The following KASH5 variants were observed in gnomAD, a reference collection of about 807,000 sequenced individuals.
KASH5 encodes KASH domain containing 5.
KASH5 carries 72 observed loss-of-function variants against 84.2 expected under a neutral mutation model. The observed-to-expected ratio is 0.85, with a 90% CI of 0.71 to 1.04. The LOEUF is 1.04. KASH5 is among the 50% of genes least tolerant of loss of function. The pLI is 0.00. For synonymous variants in KASH5, 260 were observed against 279.1 expected (o/e 0.93, Z 0.68); for missense variants, 650 against 701.0 (o/e 0.93, Z 0.82).
Position 49,417,632 on chromosome 19 carries a change from T to G in KASH5, c.*122T>G. ...CTTACCCTAGATAGAGTACAGGGGATCCACATCCCTGTATTTTTATGTGAA... is the reference window on the plus strand; with the variant it reads ...CTTACCCTAGATAGAGTACAGGGGAGCCACATCCCTGTATTTTTATGTGAA... On this transcript the variant is annotated 3_prime_UTR_variant, in exon 20 of 20. Coordinates refer to ENST00000447857, the MANE Select transcript of KASH5 (RefSeq NM_144688.5). This position sits in a 1 kb window ranked among gnomAD's most constrained non-coding sequence, Gnocchi z 5.2. 8.4e-7 allele frequency: 1 copy of G among 1,192,460 alleles called. No homozygotes were observed. The highest frequency in any genetic ancestry group is 1.1e-6 in the Non-Finnish European group (1 of 908,162). 73.9% of individuals were successfully genotyped at this position (1,192,460 alleles called of 1,614,324 possible). A position where few individuals can be genotyped will look rare whatever the true frequency, so the allele number is the denominator to read the frequency against.
At chr19:49,413,383 G>A (rs1362402368) in intron 16 of KASH5, among the ~76,000 whole-genome samples, 1 of 152,214 alleles carries the variant, frequency 6.6e-6, no homozygotes, top group Non-Finnish European at 1.5e-5. Context: ...TCCCAGCCCT[G>A]TGATTGGGAT....
rs1974956402 is a variant in KASH5, at chr19:49,417,649, T to C, written c.*139T>C. ...ACAGGGGATCCACATCCCTGTATTT[T>C]TATGTGAAGTCTCCTAGTTTTTTAA... On this transcript the variant is annotated 3_prime_UTR_variant, in exon 20 of 20. Transcript: ENST00000447857. This position sits in a 1 kb window ranked among gnomAD's most constrained non-coding sequence, Gnocchi z 5.2. 4.6e-6 allele frequency: 5 copies of C among 1,084,482 alleles called. No individual in the cohort carries two copies. The highest frequency in any genetic ancestry group is 2.4e-6 in the Non-Finnish European group (2 of 818,748). 67.2% of individuals were successfully genotyped at this position (1,084,482 alleles called of 1,614,324 possible).
intron 12 of KASH5, 65 bp from the exon 13 acceptor site, chr19:49,408,902 C>T: frequency 6.6e-7 from 1 of 1,514,942 alleles, no homozygotes; most frequent in Non-Finnish European, 9.0e-7. Context: ...AAGAGGAGCC[C>T]AGAGGTGGAT....
chr19:49,405,544 A>C (rs969146095), intron 9 of KASH5, among the ~76,000 whole-genome samples: 1 of 152,098 alleles, frequency 6.6e-6, no homozygotes, highest in South Asian at 2.1e-4. Context: ...GTTAAGTATG[A>C]TAGTGGTATT....
At chr19:49,397,074 AT>A (rs1974205355) in intron 5 of KASH5, among the ~76,000 whole-genome samples, 1 of 151,052 alleles carries the variant, frequency 6.6e-6, no homozygotes, top group Admixed American at 6.6e-5. Context: ...AAAAAAAAAA[AT>A]GGTGGTCATG....
intron 9 of KASH5, among the ~76,000 whole-genome samples, chr19:49,404,205 G>A (rs8113231): frequency 0.6 from 91,565 of 151,940 alleles, 28,450 homozygotes; most frequent in African/African-American, 0.76. Context: ...CTGGCTGGAG[G>A]GAGGGAGAGG....
chr19:49,397,764 C>T, intron 6 of KASH5, 47 bp downstream of exon 6: 1 of 1,591,026 alleles, frequency 6.3e-7, no homozygotes. Context: ...CACACCCTGT[C>T]CCCTCCAGCC....
In KASH5 at chr19:49,417,192, G is replaced by T; in HGVS notation, c.1473G>T (p.Val491=). The part of the protein sequence containing the change: ...PARRELQQAL[V]PVMKKLVPVR... ...GGCGGGAACTCCAGCAAGCCCTGGTGCCTGTGATGAAAAAGCTGGTCCCAG... is the reference window on the plus strand; with the variant it reads ...GGCGGGAACTCCAGCAAGCCCTGGTTCCTGTGATGAAAAAGCTGGTCCCAG... Residue 491 remains valine (V), a synonymous_variant, in exon 19 of 20, where the codon GTG becomes GTT. Coordinates refer to ENST00000447857, the MANE Select transcript of KASH5 (RefSeq NM_144688.5). This position sits in a 1 kb window ranked among gnomAD's most constrained non-coding sequence, Gnocchi z 5.2. 1 of 1,613,874 alleles carries T rather than the reference G, an allele frequency of 6.2e-7. No homozygotes were observed. The highest frequency in any genetic ancestry group is 8.5e-7 in the Non-Finnish European group (1 of 1,179,850).
intron 10 of KASH5, 59 bp from the exon 11 acceptor site, chr19:49,407,181 G>A: frequency 6.3e-7 from 1 of 1,581,898 alleles, no homozygotes; most frequent in Non-Finnish European, 8.7e-7. Flanking sequence ...CCAGGTGGAG[G>A]GCAGGACCAA....
At chr19:49,411,958 AGG>A (rs1258979332) in intron 15 of KASH5, among the ~76,000 whole-genome samples, 6 of 149,356 alleles carry the variant, frequency 4.0e-5, no homozygotes, top group Non-Finnish European at 8.9e-5. Context: ...GAAGGAAGGA[AGG>A]AAGGAAGGAA....
intron 9 of KASH5, among the ~76,000 whole-genome samples, chr19:49,406,325 T>TAATTATTA (rs1974525510): frequency 6.6e-6 from 1 of 152,190 alleles, no homozygotes; most frequent in Non-Finnish European, 1.5e-5. Context: ...ATTATTAACC[T>TAATTATTA]ATCTAATCTT....
rs1974639095 is a variant in KASH5 at position 49,409,371 on chromosome 19, C to T, written c.1146+88C>T. ...TACTCTGATCCTCACACCAGCCTAG[C>T]CCTAACCCACATTGCTGCCAGAGGC... On this transcript the variant is annotated intron_variant, in intron 14 of 19. Transcript: ENST00000447857. The T allele has an allele frequency of 5.2e-6, 7 of 1,347,106 alleles. No individual in the cohort carries two copies. In the South Asian group the frequency reaches 7.5e-5, roughly 15 times the overall value. The allele number at this position is 1,347,106 out of a possible 1,614,324, so 83.4% of individuals were successfully genotyped here. A position where few individuals can be genotyped will look rare whatever the true frequency, so the allele number is the denominator to read the frequency against.
chr19:49,407,385 G>T (rs576368270), intron 11 of KASH5, 89 bp downstream of exon 11: 1 of 1,421,956 alleles, frequency 7.0e-7, no homozygotes, highest in African/African-American at 1.4e-5. Flanking sequence ...TCCTACTTGG[G>T]TCTGATCCTT....
chr19:49,397,784 C>A (rs1974229780), intron 6 of KASH5, 67 bp downstream of exon 6: 1 of 1,560,010 alleles, frequency 6.4e-7, no homozygotes, highest in African/African-American at 1.4e-5. Flanking sequence ...CTGCCGAGGC[C>A]CGGGTAGGGC....
At chr19:49,398,186 C>T (rs755252934) in intron 7 of KASH5, 43 bp downstream of exon 7, 12 of 1,513,312 alleles carry the variant, frequency 7.9e-6, no homozygotes, top group African/African-American at 1.4e-5. Context: ...GCCCCTGCCT[C>T]CGTCCTCCCT....
At chr19:49,409,350 C>A in intron 14 of KASH5, 67 bp downstream of exon 14, 1 of 1,491,870 alleles carries the variant, frequency 6.7e-7, no homozygotes, top group African/African-American at 1.4e-5. Context: ...TCTCCCTACT[C>A]TGATCCTCAC....
At position 49,412,433 on chromosome 19, in the gene KASH5, A is replaced by G. The variant is rs1004639391; in HGVS notation, c.1270-535A>G. Reference sequence around the variant, plus strand: ...GAGGGATGTCTGGGGGCTGCCTGGAAGAGTTGGGTGCACCATCCTGGAGCT... The same window carrying G: ...GAGGGATGTCTGGGGGCTGCCTGGAGGAGTTGGGTGCACCATCCTGGAGCT... On this transcript the variant is annotated intron_variant, in intron 15 of 19. Coordinates refer to ENST00000447857, the MANE Select transcript of KASH5 (RefSeq NM_144688.5). This position sits in a 1 kb window ranked among gnomAD's most constrained non-coding sequence, Gnocchi z 4.6. Among the ~76,000 whole-genome samples, 1 of 152,128 alleles carries G rather than the reference A, an allele frequency of 6.6e-6. No homozygotes were observed. The highest frequency in any genetic ancestry group is 1.5e-5 in the Non-Finnish European group (1 of 68,022).
chr19:49,417,651 AT>A lies in KASH5; in HGVS notation c.*142del, dbSNP rs1262630267. On this transcript the variant is annotated 3_prime_UTR_variant, in exon 20 of 20. Transcript: ENST00000447857. This position sits in a 1 kb window ranked among gnomAD's most constrained non-coding sequence, Gnocchi z 5.2. ...AGGGGATCCACATCCCTGTATTTTT[AT>A]GTGAAGTCTCCTAGTTTTTTAATGC... is the stretch of plus-strand genomic sequence containing the variant. The A allele has an allele frequency of 1.9e-6, 2 of 1,072,362 alleles. No individual in the cohort carries two copies. The highest frequency in any genetic ancestry group is 2.5e-6 in the Non-Finnish European group (2 of 807,858). The allele number at this position is 1,072,362 out of a possible 1,614,324, so 66.4% of individuals were successfully genotyped here. A position where few individuals can be genotyped will look rare whatever the true frequency, so the allele number is the denominator to read the frequency against.
chr19:49,410,636 T>C (rs57497460), intron 15 of KASH5, among the ~76,000 whole-genome samples: 5,856 of 151,990 alleles, frequency 0.039, 309 homozygotes, highest in African/African-American at 0.12. Context: ...AGGAACCTGC[T>C]GCCACACCTG....
Sources: allele counts gnomAD v4.1 joint callset (sites outside exome capture counted in the v4.1 genomes callset), GRCh38; gene constraint gnomAD v4.1.1; non-coding constraint Gnocchi (gnomAD v3.1); transcripts MANE v1.5; gene names NCBI Gene and HGNC (gene_info 2026-07-23, HGNC 2026-07-21).